Variants in RBFOX1 observed in about 807,000 individuals in gnomAD.
The protein encoded by RBFOX1 is RNA binding protein fox-1 homolog 1.
Under a neutral mutation model 57.7 loss-of-function variants are expected in RBFOX1, and 8 were observed. The observed-to-expected ratio is 0.14, with a 90% confidence interval of 0.08 to 0.25. The LOEUF (loss-of-function observed/expected upper bound fraction) is 0.25, where lower values mean the gene tolerates loss of function less well. RBFOX1 is among the 10% of genes least tolerant of loss of function. The pLI is 1.00. For missense variants in RBFOX1, 611 were observed against 548.5 expected, an observed-to-expected ratio of 1.11 and a Z score of -1.14; for synonymous variants, 326 against 222.4, an observed-to-expected ratio of 1.47 and a Z score of -4.15.
At chr16:6,111,923 G>A (rs967181344) in intron 1 of RBFOX1, among the ~76,000 whole-genome samples, 1 of 152,154 alleles carries the variant, frequency 6.6e-6, no homozygotes, top group East Asian at 1.9e-4. Flanking sequence ...TGGCTCAGAG[G>A]ATAAGTGGTT....
chr16:7,328,627 AT>A (rs199909883), intron 4 of RBFOX1: 1,149 of 142,312 alleles, frequency 8.1e-3, no homozygotes, highest in Middle Eastern at 0.011. Context: ...AGATGGAAGA[AT>A]TTTTTTTTTT....
intron 1 of RBFOX1, among the ~76,000 whole-genome samples, chr16:6,093,699 G>A (rs2096207899): frequency 1.3e-5 from 2 of 152,052 alleles, no homozygotes; most frequent in South Asian, 4.2e-4. Context: ...GTAGCTCCCT[G>A]CAGCCTTAAC....
At chr16:6,431,779 C>G (rs1324237435) in intron 2 of RBFOX1, among the ~76,000 whole-genome samples, 1 of 152,088 alleles carries the variant, frequency 6.6e-6, no homozygotes, top group African/African-American at 2.4e-5. Flanking sequence ...GCAAATCATT[C>G]TTGGTGACTC....
At chr16:6,813,473 A>T (rs1186806142) in intron 3 of RBFOX1, among the ~76,000 whole-genome samples, 1 of 152,030 alleles carries the variant, frequency 6.6e-6, no homozygotes, top group Non-Finnish European at 1.5e-5. Flanking sequence ...GGTTTTCTTC[A>T]GAGACAGGGC....
Position 6,974,421 on chromosome 16 carries a change from T to C in RBFOX1, c.-15-77636T>C, listed in dbSNP as rs560435186. ...GTGCAATGGTACAATCTCAGTTCACTGCAACTTTCGCCTCCCAGGTTCAAG... is the reference window on the plus strand; with the variant it reads ...GTGCAATGGTACAATCTCAGTTCACCGCAACTTTCGCCTCCCAGGTTCAAG... On this transcript the variant is annotated intron_variant, in intron 3 of 15. Transcript: ENST00000550418. Among the ~76,000 whole-genome samples the C allele has an allele frequency of 2.9e-5, 4 of 138,380 alleles. No homozygotes were observed. In the East Asian group the frequency reaches 9.8e-4, roughly 34 times the overall value. 90.8% of individuals were successfully genotyped at this position (138,380 alleles called of 152,430 possible).
At chr16:6,936,690 G>GA (rs1374840556) in intron 3 of RBFOX1, among the ~76,000 whole-genome samples, 1 of 152,024 alleles carries the variant, frequency 6.6e-6, no homozygotes, top group Admixed American at 6.6e-5. Context: ...GCTGAGAGAG[G>GA]ATAGCATTAG....
rs546596296 is a variant in RBFOX1, at chr16:6,201,702, C to T, written c.-126-115293C>T. Among the ~76,000 whole-genome samples, 6 of 152,152 alleles carry T rather than the reference C, an allele frequency of 3.9e-5. No individual in the cohort carries two copies. The South Asian group carries it at 8.3e-4, about 21-fold the overall frequency. On this transcript the variant is annotated intron_variant, in intron 1 of 15. Transcript: ENST00000550418. The stretch of plus-strand genomic sequence containing the variant: ...GTTCCTAACACAAAGAAATGGTAAA[C>T]GCTTGAGGTGATGGATACCCCAGTT...
chr16:5,869,806 A>T (rs1265333757), intron 4 of RBFOX1, among the ~76,000 whole-genome samples: 1 of 152,206 alleles, frequency 6.6e-6, no homozygotes, highest in Non-Finnish European at 1.5e-5. Context: ...AAATCCAACA[A>T]TTCCACTTCT....
At chr16:7,687,724 CTGT>C (rs1209364335) in intron 14 of RBFOX1, among the ~76,000 whole-genome samples, 1 of 151,886 alleles carries the variant, frequency 6.6e-6, no homozygotes, top group Admixed American at 6.6e-5. Flanking sequence ...ATTATAACTA[CTGT>C]AATTAGTATA....
intron 3 of RBFOX1, among the ~76,000 whole-genome samples, chr16:6,717,944 G>C (rs57547721): frequency 6.9e-4 from 105 of 152,302 alleles, no homozygotes; most frequent in African/African-American, 2.5e-3. Context: ...ATAGTGGTCA[G>C]TGGCTTCACA....
intron 4 of RBFOX1, among the ~76,000 whole-genome samples, chr16:7,503,223 G>C (rs1450540367): frequency 1.3e-5 from 2 of 152,154 alleles, no homozygotes; most frequent in Non-Finnish European, 2.9e-5. Flanking sequence ...AATCTAGCAA[G>C]AGATCCTTGG....
At chr16:7,633,549 T>C (rs2061315779) in intron 11 of RBFOX1, among the ~76,000 whole-genome samples, 1 of 152,096 alleles carries the variant, frequency 6.6e-6, no homozygotes, top group Non-Finnish European at 1.5e-5. Context: ...CACCCTTCAA[T>C]AGAGCAGTTT....
chr16:6,775,411 T>TA (rs1300710803), intron 3 of RBFOX1, among the ~76,000 whole-genome samples: 2 of 150,992 alleles, frequency 1.3e-5, no homozygotes, highest in Non-Finnish European at 2.9e-5. Flanking sequence ...AGGTTGGGAT[T>TA]AGAAAGGTAT....
chr16:6,615,076 G>T (rs953864815), intron 2 of RBFOX1, among the ~76,000 whole-genome samples: 1 of 152,186 alleles, frequency 6.6e-6, no homozygotes, highest in Non-Finnish European at 1.5e-5. Context: ...GGGCCATGTG[G>T]ATGGTATCGT....
intron 2 of RBFOX1, among the ~76,000 whole-genome samples, chr16:5,537,603 G>A (rs962814277): frequency 2.6e-5 from 4 of 152,144 alleles, no homozygotes; most frequent in African/African-American, 9.7e-5. Flanking sequence ...TTTATTGCTG[G>A]CTGTAAACTG....
At chr16:5,447,838 C>A (rs2068297080) in intron 1 of RBFOX1, among the ~76,000 whole-genome samples, 1 of 152,206 alleles carries the variant, frequency 6.6e-6, no homozygotes, top group Non-Finnish European at 1.5e-5. Flanking sequence ...GGCATGGATA[C>A]CCATGGCCGA....
chr16:5,708,183 C>G (rs1381333065), intron 3 of RBFOX1, among the ~76,000 whole-genome samples: 2 of 152,092 alleles, frequency 1.3e-5, no homozygotes, highest in African/African-American at 2.4e-5. Flanking sequence ...CACGTTATCT[C>G]ATGAACTTGA....
At chr16:6,915,256 A>C (rs1306050205) in intron 3 of RBFOX1, among the ~76,000 whole-genome samples, 1 of 152,012 alleles carries the variant, frequency 6.6e-6, no homozygotes, top group East Asian at 1.9e-4. Flanking sequence ...CAGCATTTCT[A>C]CTAATTCCCT....
chr16:7,677,248 A>T (rs1359975265), intron 14 of RBFOX1, among the ~76,000 whole-genome samples: 1 of 152,042 alleles, frequency 6.6e-6, no homozygotes, highest in Non-Finnish European at 1.5e-5. Context: ...TACAAGGTTT[A>T]CTTCAATTTC....
Sources: allele counts gnomAD v4.1 joint callset (sites outside exome capture counted in the v4.1 genomes callset), GRCh38; gene constraint gnomAD v4.1.1; transcripts MANE v1.5; gene names NCBI Gene and HGNC (gene_info 2026-07-23, HGNC 2026-07-21).